Variants in PDE4D observed in about 807,000 individuals in gnomAD.
PDE4D encodes the protein phosphodiesterase 4D.
PDE4D carries 24 observed loss-of-function variants against 87.4 expected under a neutral mutation model. The observed-to-expected ratio is 0.27, with a 90% CI of 0.20 to 0.39. PDE4D has a LOEUF of 0.39. Among genes scored for constraint, PDE4D ranks in the 10% least tolerant of loss-of-function variants. The pLI is 1.00. For synonymous variants in PDE4D, 384 were observed against 383.2 expected (o/e 1.00, Z -0.02); for missense variants, 714 against 1,041.0 (o/e 0.69, Z 4.32).
intron 1 of PDE4D, among the ~76,000 whole-genome samples, chr5:60,347,379 G>T (rs1758825148): frequency 6.6e-6 from 1 of 152,112 alleles, no homozygotes. Flanking sequence ...AAAACATAAA[G>T]GGTTTTGCTT....
chr5:58,999,844 C>T (rs775052548), intron 6 of PDE4D: 56 of 989,316 alleles, frequency 5.7e-5, no homozygotes, highest in Non-Finnish European at 6.7e-5. Context: ...TCTTTCTCTC[C>T]CGAGCTCCAG....
Position 60,347,968 on chromosome 5 carries a change from CA to C in PDE4D, c.-90+139973del, listed in dbSNP as rs556359318. Among the ~76,000 whole-genome samples the C allele has an allele frequency of 1.7e-3, 256 of 152,186 alleles. 1 individual carries two copies. The highest frequency in any genetic ancestry group is 6.0e-3 in the African/African-American group (248 of 41,546). Reference sequence around the variant, plus strand: ...GTTTTTGGAGTAATCACAATCAGCCCAAAAGATTAAAGCTGGCCTTTGAAAT... The same window carrying C: ...GTTTTTGGAGTAATCACAATCAGCCCAAAGATTAAAGCTGGCCTTTGAAAT... On this transcript the variant is annotated intron_variant, in intron 1 of 16. Transcript: ENST00000502484.
chr5:59,160,624 G>A (rs1423775653), intron 5 of PDE4D, among the ~76,000 whole-genome samples: 3 of 152,114 alleles, frequency 2.0e-5, no homozygotes, highest in Non-Finnish European at 4.4e-5. Flanking sequence ...GATTACAGGT[G>A]TGAGGCACCA....
intron 3 of PDE4D, among the ~76,000 whole-genome samples, chr5:59,939,554 G>A (rs537513810): frequency 3.9e-5 from 6 of 152,284 alleles, no homozygotes; most frequent in Non-Finnish European, 8.8e-5. Flanking sequence ...CTCGTGAGGA[G>A]GACTGTGCTG....
intron 5 of PDE4D, among the ~76,000 whole-genome samples, chr5:59,172,524 G>A (rs1415824929): frequency 8.7e-5 from 13 of 149,226 alleles, no homozygotes; most frequent in South Asian, 8.4e-4. Flanking sequence ...GCAAAACGCC[G>A]CCTCTACAAA....
chr5:58,975,797 T>C lies in PDE4D; in HGVS notation c.1873A>G (p.Thr625Ala). ...TGGCGGTACAGCTGGAGAGGCTTTG[T>C]TGGGTTGCTCAGATCTGCACAGTGC... is the stretch of plus-strand genomic sequence containing the variant. Reference protein sequence around the residue: ...MVHCADLSNPTKPLQLYRQWT... With the variant: ...MVHCADLSNPAKPLQLYRQWT... The change falls in exon 14 of 15, where the codon ACA becomes GCA. Residue 625 changes from threonine to alanine, a missense_variant. Transcript: ENST00000340635. The surrounding 1 kb of genome is among the most constrained non-coding windows in gnomAD (Gnocchi z 4.2). 2 of 1,610,154 alleles carry C rather than the reference T, an allele frequency of 1.2e-6. No individual in the cohort carries two copies. The highest frequency in any genetic ancestry group is 1.7e-6 in the Non-Finnish European group (2 of 1,177,922).
At chr5:59,906,676 C>G (rs1752857565) in intron 3 of PDE4D, among the ~76,000 whole-genome samples, 1 of 152,030 alleles carries the variant, frequency 6.6e-6, no homozygotes, top group Non-Finnish European at 1.5e-5. Context: ...TAAAAAAGCT[C>G]AATATCACTG....
intron 5 of PDE4D, among the ~76,000 whole-genome samples, chr5:59,094,379 AAAC>A: frequency 6.6e-6 from 1 of 152,202 alleles, no homozygotes. Flanking sequence ...AAAAGGAAGA[AAAC>A]AATTAAGAAA....
chr5:60,008,305 T>C (rs1764678377), intron 2 of PDE4D, among the ~76,000 whole-genome samples: 1 of 152,018 alleles, frequency 6.6e-6, no homozygotes, highest in Admixed American at 6.6e-5. Flanking sequence ...TAAAGTGGTC[T>C]GAGAGGAACA....
rs189797911 is a variant in PDE4D at position 59,577,202 on chromosome 5, A to G, written c.455+315966T>C. Among the ~76,000 whole-genome samples the G allele has an allele frequency of 2.2e-3, 342 of 152,294 alleles. 1 individual carries two copies. The highest frequency in any genetic ancestry group is 0.013 in the South Asian group (63 of 4,832). ...GAGAAATGTATAGGTTGCATATGGA[A>G]TATGTTTTCTCAAATACTGTGGATA... is the stretch of plus-strand genomic sequence containing the variant. On this transcript the variant is annotated intron_variant, in intron 1 of 14. Coordinates refer to ENST00000340635, the MANE Select transcript of PDE4D (RefSeq NM_001104631.2).
intron 1 of PDE4D, among the ~76,000 whole-genome samples, chr5:59,280,495 G>A (rs952591043): frequency 6.6e-6 from 1 of 152,022 alleles, no homozygotes; most frequent in African/African-American, 2.4e-5. Context: ...AATTTTCTAA[G>A]TGCTGCTGTA....
At chr5:60,188,137 T>C (rs1784926177) in intron 1 of PDE4D, among the ~76,000 whole-genome samples, 1 of 152,196 alleles carries the variant, frequency 6.6e-6, no homozygotes, top group Non-Finnish European at 1.5e-5. Flanking sequence ...TGTAGGCAGA[T>C]CTACTTTCCA....
intron 1 of PDE4D, among the ~76,000 whole-genome samples, chr5:60,467,402 T>C (rs1200985852): frequency 1.3e-5 from 2 of 152,188 alleles, no homozygotes; most frequent in African/African-American, 2.4e-5. Context: ...TCTAAGAGGC[T>C]ACTTGGAGCC....
intron 2 of PDE4D, among the ~76,000 whole-genome samples, chr5:60,175,310 C>T (rs1783814765): frequency 6.6e-6 from 1 of 152,080 alleles, no homozygotes; most frequent in Admixed American, 6.6e-5. Flanking sequence ...TCTGAAATTA[C>T]CTATCTGATC....
intron 1 of PDE4D, among the ~76,000 whole-genome samples, chr5:60,443,252 A>AGGTGTAGATAGT (rs1745382376): frequency 6.6e-6 from 1 of 152,154 alleles, no homozygotes; most frequent in African/African-American, 2.4e-5. Flanking sequence ...TATGAAGAAA[A>AGGTGTAGATAGT]GGTGTAGATA....
chr5:60,078,879 T>C (rs1773615399), intron 2 of PDE4D, among the ~76,000 whole-genome samples: 1 of 152,206 alleles, frequency 6.6e-6, no homozygotes. Flanking sequence ...TAGAATTATT[T>C]ATATTCCCTT....
chr5:59,593,027 A>G (rs1277825317), intron 1 of PDE4D, among the ~76,000 whole-genome samples: 1 of 151,864 alleles, frequency 6.6e-6, no homozygotes, highest in Non-Finnish European at 1.5e-5. Flanking sequence ...GTTTGCATAT[A>G]CCTTTAAAAT....
intron 1 of PDE4D, among the ~76,000 whole-genome samples, chr5:59,225,817 T>C (rs6450513): frequency 0.12 from 17,826 of 149,906 alleles, 1,609 homozygotes; most frequent in African/African-American, 0.25. Flanking sequence ...CAAAACCCAA[T>C]TGAAACCCCT....
intron 1 of PDE4D, among the ~76,000 whole-genome samples, chr5:59,386,388 T>TA (rs1285241805): frequency 6.6e-6 from 1 of 152,170 alleles, no homozygotes; most frequent in East Asian, 1.9e-4. Context: ...TATTTCTTTT[T>TA]ATTACGTGAC....
Sources: gnomAD v4.1 joint callset for allele counts (sites outside exome capture counted in the v4.1 genomes callset) on GRCh38, gnomAD v4.1.1 for gene constraint, Gnocchi (gnomAD v3.1) non-coding constraint, MANE v1.5 for transcripts, NCBI Gene and HGNC (gene_info 2026-07-23, HGNC 2026-07-21) for gene names.